Variants in CFAP20DC observed in about 807,000 individuals in gnomAD.
The protein encoded by CFAP20DC is protein CFAP20DC.
CFAP20DC carries 84 observed loss-of-function variants against 101.7 expected under a neutral mutation model. That is an observed-to-expected ratio of 0.83 (90% CI 0.69 to 0.99). The LOEUF is 0.99. Among genes scored for constraint, CFAP20DC ranks in the 50% least tolerant of loss-of-function variants. The pLI is 0.00. For synonymous variants in CFAP20DC, 359 were observed against 351.2 expected, an observed-to-expected ratio of 1.02 and a Z score of -0.25; for missense variants, 1,007 against 970.3, an observed-to-expected ratio of 1.04 and a Z score of -0.50.
intron 13 of CFAP20DC, among the ~76,000 whole-genome samples, chr3:58,833,863 G>A (rs2076560920): frequency 6.6e-6 from 1 of 152,122 alleles, no homozygotes; most frequent in Non-Finnish European, 1.5e-5. Flanking sequence ...TCCACATAAT[G>A]GAATATTACT....
chr3:58,746,392 C>A (rs939530953), intron 16 of CFAP20DC, among the ~76,000 whole-genome samples: 1 of 152,122 alleles, frequency 6.6e-6, no homozygotes, highest in African/African-American at 2.4e-5. Context: ...TATAATTATT[C>A]AGTGTATTCT....
At chr3:58,865,462 T>G (rs1161296704) in intron 11 of CFAP20DC, among the ~76,000 whole-genome samples, 4 of 152,158 alleles carry the variant, frequency 2.6e-5, no homozygotes, top group Non-Finnish European at 5.9e-5. Context: ...TTGAGGGACA[T>G]GAGTCTGTAG....
chr3:58,811,492 G>C (rs2074628092), intron 14 of CFAP20DC, among the ~76,000 whole-genome samples: 1 of 152,090 alleles, frequency 6.6e-6, no homozygotes, highest in Admixed American at 6.5e-5. Flanking sequence ...TGGGAAAACT[G>C]GCTAGCCATA....
chr3:58,716,517 G>C (rs2067402064), downstream of CFAP20DC, among the ~76,000 whole-genome samples: 2 of 152,120 alleles, frequency 1.3e-5, no homozygotes, highest in African/African-American at 4.8e-5. Context: ...AGATCGCATG[G>C]TAACATGGTG....
At chr3:58,951,233 T>C (rs1021296329) in intron 4 of CFAP20DC, among the ~76,000 whole-genome samples, 3 of 152,054 alleles carry the variant, frequency 2.0e-5, no homozygotes, top group Admixed American at 6.6e-5. Flanking sequence ...GTTAGAATGG[T>C]GATCATTAAA....
chr3:58,895,669 C>G (rs2082608043), intron 6 of CFAP20DC, among the ~76,000 whole-genome samples: 1 of 152,168 alleles, frequency 6.6e-6, no homozygotes. Context: ...ATCTTTTCAG[C>G]AGTGCCCCAA....
Position 59,039,587 on chromosome 3 carries a change from G to A in CFAP20DC, c.248C>T (p.Pro83Leu), listed in dbSNP as rs1234549252. ...TTCAGTGGAGAAGTCTTGTCCCAGG[G>A]GTACGTAAATCTGAAGTACAAGAAA... ...QRFLVLQIYV[P>L]LGQDFSTELL... Residue 83 changes from proline to leucine, a missense_variant, in exon 4 of 17, where the codon CCC becomes CTC. Coordinates refer to ENST00000482387, the MANE Select transcript of CFAP20DC (RefSeq NM_001394063.1). 4 of 1,526,040 alleles carry A rather than the reference G, an allele frequency of 2.6e-6. No individual in the cohort carries two copies. Among genetic ancestry groups the A allele is most frequent in the Non-Finnish European group, 3.5e-6 (4 of 1,141,136 alleles). The allele number at this position is 1,526,040 out of a possible 1,614,324, so 94.5% of individuals were successfully genotyped here.
chr3:58,995,420 T>C (rs957774940), intron 4 of CFAP20DC, among the ~76,000 whole-genome samples: 5 of 152,048 alleles, frequency 3.3e-5, no homozygotes, highest in African/African-American at 1.2e-4. Context: ...AAAAAATTTA[T>C]TCAAATAATA....
At chr3:58,933,523 T>C (rs2087040040) in intron 5 of CFAP20DC, among the ~76,000 whole-genome samples, 1 of 152,192 alleles carries the variant, frequency 6.6e-6, no homozygotes, top group Non-Finnish European at 1.5e-5. Flanking sequence ...TAGTTGGAAG[T>C]AAAGCTCTCC....
At chr3:58,822,989 G>A (rs1289855459) in intron 14 of CFAP20DC, among the ~76,000 whole-genome samples, 1 of 152,092 alleles carries the variant, frequency 6.6e-6, no homozygotes, top group Admixed American at 6.6e-5. Flanking sequence ...CTGAACAAAA[G>A]CCTTGCTGAT....
chr3:58,809,626 C>T (rs2074429410), intron 14 of CFAP20DC, among the ~76,000 whole-genome samples: 1 of 152,122 alleles, frequency 6.6e-6, no homozygotes. Context: ...GACACCCTAA[C>T]ATCACAATTA....
chr3:58,870,894 CAAAAAAAAAAAA>C (rs548763648), intron 7 of CFAP20DC, among the ~76,000 whole-genome samples: 6 of 18,950 alleles, frequency 3.2e-4, no homozygotes, highest in South Asian at 3.3e-3. Context: ...GACTCCGTCT[CAAAAAAAAAAAA>C]AAAAAAAAAA....
intron 6 of CFAP20DC, among the ~76,000 whole-genome samples, chr3:58,888,126 A>G (rs1033426237): frequency 6.6e-6 from 1 of 152,246 alleles, no homozygotes; most frequent in South Asian, 2.1e-4. Flanking sequence ...TTTAGCATAT[A>G]CAGCTTAATT....
At chr3:59,041,766 T>C (rs982049645) in intron 3 of CFAP20DC, among the ~76,000 whole-genome samples, 1 of 152,152 alleles carries the variant, frequency 6.6e-6, no homozygotes, top group African/African-American at 2.4e-5. Context: ...CTGTTCATCA[T>C]GGGCTATTCC....
chr3:58,761,290 C>G (rs1359739433), intron 15 of CFAP20DC, among the ~76,000 whole-genome samples: 2 of 152,072 alleles, frequency 1.3e-5, no homozygotes, highest in Non-Finnish European at 2.9e-5. Flanking sequence ...AGGAATTTAT[C>G]CATTTCTTCT....
At chr3:58,852,925 C>A (rs1319940703) in intron 12 of CFAP20DC, among the ~76,000 whole-genome samples, 5 of 151,708 alleles carry the variant, frequency 3.3e-5, no homozygotes, top group Non-Finnish European at 7.4e-5. Flanking sequence ...ATTAAAAGAA[C>A]TAGAAAAGCA....
intron 4 of CFAP20DC, among the ~76,000 whole-genome samples, chr3:58,957,038 C>T (rs1202111174): frequency 6.6e-6 from 1 of 152,068 alleles, no homozygotes; most frequent in African/African-American, 2.4e-5. Flanking sequence ...CAAACCATAT[C>T]AGGAAACAAT....
chr3:58,983,532 A>G (rs2092654251), intron 4 of CFAP20DC, among the ~76,000 whole-genome samples: 1 of 152,166 alleles, frequency 6.6e-6, no homozygotes, highest in Admixed American at 6.6e-5. Flanking sequence ...AATCAGAGCA[A>G]AACACTCTAA....
In CFAP20DC at chr3:58,742,658, C is replaced by T. The variant is rs1415831586; in HGVS notation, c.2333-86G>A. 9.9e-6 allele frequency: 9 copies of T among 912,068 alleles called. No homozygotes were observed. In the African/African-American group the frequency reaches 1.3e-4, roughly 14 times the overall value. 56.5% of individuals were successfully genotyped at this position (912,068 alleles called of 1,614,324 possible). A position where few individuals can be genotyped will look rare whatever the true frequency, so the allele number is the denominator to read the frequency against. Reference sequence around the variant, plus strand: ...AGGGCAACGAAGCAGGAATCACCATCTCTCCTGGGGGATTTTCTTTATGCA... The same window carrying T: ...AGGGCAACGAAGCAGGAATCACCATTTCTCCTGGGGGATTTTCTTTATGCA... On this transcript the variant is annotated intron_variant, in intron 16 of 16. Transcript: ENST00000482387.
Sources: allele counts gnomAD v4.1 joint callset (sites outside exome capture counted in the v4.1 genomes callset), GRCh38; gene constraint gnomAD v4.1.1; transcripts MANE v1.5; gene names NCBI Gene and HGNC (gene_info 2026-07-23, HGNC 2026-07-21).